KCNIP4: variants seen among roughly 807,000 people sequenced by gnomAD.
The protein encoded by KCNIP4 is Kv channel-interacting protein 4.
A neutral mutation model predicts 34.0 loss-of-function variants in KCNIP4; 12 were observed. The ratio of observed to expected loss-of-function variants is 0.35; its 90% CI spans 0.23 to 0.57. The LOEUF is 0.57. Among genes scored for constraint, KCNIP4 ranks in the 20% least tolerant of loss-of-function variants. The pLI is 0.83. For missense variants in KCNIP4, 238 were observed against 311.7 expected (o/e 0.76, Z 1.78); for synonymous variants, 124 against 102.2 (o/e 1.21, Z -1.29).
intron 1 of KCNIP4, among the ~76,000 whole-genome samples, chr4:21,223,347 A>G (rs1444108087): frequency 6.6e-6 from 1 of 152,226 alleles, no homozygotes. Context: ...TGGAGTCTCC[A>G]TAAGAAACCA....
chr4:21,422,480 G>A lies in KCNIP4; in HGVS notation c.61+526091C>T, dbSNP rs192216853. ...CTCCCAAAGTGCTCAGATTACGGGCGTGAGCCACCGAGCCTGGCCCACTTA... is the reference window on the plus strand; with the variant it reads ...CTCCCAAAGTGCTCAGATTACGGGCATGAGCCACCGAGCCTGGCCCACTTA... On this transcript the variant is annotated intron_variant, in intron 1 of 8. Transcript: ENST00000382152. 5.2e-4 allele frequency among the ~76,000 whole-genome samples: 79 copies of A among 152,104 alleles called. 1 individual carries two copies. In the East Asian group the frequency reaches 0.014, roughly 28 times the overall value.
intron 1 of KCNIP4, among the ~76,000 whole-genome samples, chr4:21,465,471 C>G (rs28726237): frequency 0.27 from 40,942 of 152,050 alleles, 6,014 homozygotes; most frequent in African/African-American, 0.38. Flanking sequence ...ACAAACTCAA[C>G]TCTCTTCATT....
At position 21,906,943 on chromosome 4, in the gene KCNIP4, T is replaced by A. The variant is rs530711949; in HGVS notation, c.61+41628A>T. On this transcript the variant is annotated intron_variant, in intron 1 of 8. Coordinates refer to ENST00000382152, the MANE Select transcript of KCNIP4 (RefSeq NM_025221.6). ...CTTTTCTAGCTCACTATAATATTTT[T>A]AAGATTTATCCACTTTGATACACGA... Among the ~76,000 whole-genome samples, 3 of 152,338 alleles carry A rather than the reference T, an allele frequency of 2.0e-5. No homozygotes were observed. The East Asian group carries it at 5.8e-4, about 29-fold the overall frequency.
chr4:21,553,150 T>G lies in KCNIP4; in HGVS notation c.61+395421A>C, dbSNP rs77741436. Among the ~76,000 whole-genome samples the G allele has an allele frequency of 1.4e-3, 48 of 34,202 alleles. 1 individual carries two copies. The East Asian group carries it at 0.021, about 15-fold the overall frequency. 22.4% of individuals were successfully genotyped at this position (34,202 alleles called of 152,430 possible). A position where few individuals can be genotyped will look rare whatever the true frequency, so the allele number is the denominator to read the frequency against. ...ACATCTGAAAGCTTAAAGGGGGGGG[T>G]CATAAAAGAGTTGGAATAACAAGTT... is the stretch of plus-strand genomic sequence containing the variant. On this transcript the variant is annotated intron_variant, in intron 1 of 8. Transcript: ENST00000382152.
chr4:21,369,486 T>C (rs1720114379), intron 1 of KCNIP4, among the ~76,000 whole-genome samples: 2 of 146,898 alleles, frequency 1.4e-5, no homozygotes, highest in Non-Finnish European at 2.9e-5. Flanking sequence ...AATCCCAGCA[T>C]TCTGGGGGGC....
At chr4:21,905,156 C>T (rs116469854) in intron 1 of KCNIP4, among the ~76,000 whole-genome samples, 2 of 152,080 alleles carry the variant, frequency 1.3e-5, no homozygotes, top group Admixed American at 1.3e-4. Flanking sequence ...TTCTTTTGGG[C>T]AAATATTCAT....
intron 5 of KCNIP4, among the ~76,000 whole-genome samples, chr4:20,746,800 C>T (rs1310119716): frequency 6.6e-6 from 1 of 152,122 alleles, no homozygotes; most frequent in African/African-American, 2.4e-5. Context: ...TATCATATTT[C>T]TTCTGCCTTT....
intron 1 of KCNIP4, among the ~76,000 whole-genome samples, chr4:21,560,018 C>T (rs1051393926): frequency 1.6e-4 from 25 of 151,956 alleles, no homozygotes; most frequent in African/African-American, 5.8e-4. Flanking sequence ...TTGATTTTCC[C>T]CTTTGTAATC....
chr4:21,110,242 C>T (rs894036303), intron 1 of KCNIP4, among the ~76,000 whole-genome samples: 1 of 152,164 alleles, frequency 6.6e-6, no homozygotes, highest in African/African-American at 2.4e-5. Context: ...AGGATGACCA[C>T]TTGAGTATGA....
chr4:21,810,515 C>G (rs1333705275), intron 1 of KCNIP4, among the ~76,000 whole-genome samples: 1 of 151,798 alleles, frequency 6.6e-6, no homozygotes, highest in Admixed American at 6.6e-5. Flanking sequence ...ATGGTGAAAC[C>G]CCATCTCTAC....
intron 1 of KCNIP4, among the ~76,000 whole-genome samples, chr4:20,895,298 T>C (rs950649672): frequency 6.6e-6 from 1 of 152,204 alleles, no homozygotes. Context: ...TTTCATTCCT[T>C]TGCTAGAAAT....
At chr4:20,983,819 G>A in intron 1 of KCNIP4, 3 of 1,536,282 alleles carry the variant, frequency 2.0e-6, no homozygotes, top group Non-Finnish European at 2.6e-6. Context: ...TTTACCTTCC[G>A]AAAAATCAAT....
chr4:21,605,526 G>A (rs188096346), intron 1 of KCNIP4, among the ~76,000 whole-genome samples: 1 of 152,190 alleles, frequency 6.6e-6, no homozygotes, highest in Admixed American at 6.5e-5. Flanking sequence ...TGTCGCCCAG[G>A]CTGGAGTGCA....
intron 1 of KCNIP4, among the ~76,000 whole-genome samples, chr4:21,146,527 G>T (rs543836566): frequency 9.2e-5 from 14 of 152,292 alleles, no homozygotes; most frequent in Admixed American, 3.3e-4. Context: ...TGAAACACAG[G>T]TCAGAGAGTC....
At chr4:21,907,413 C>T (rs528401169) in intron 1 of KCNIP4, among the ~76,000 whole-genome samples, 142 of 152,274 alleles carry the variant, frequency 9.3e-4, no homozygotes, top group African/African-American at 2.6e-3. Context: ...GACTTTCTAG[C>T]CTCCAGAACT....
In KCNIP4 at chr4:21,761,491, A is replaced by C. The variant is rs142121396; in HGVS notation, c.61+187080T>G. On this transcript the variant is annotated intron_variant, in intron 1 of 8. Transcript: ENST00000382152. Reference sequence around the variant, plus strand: ...TAACATATTCACTCAGTTGAACACTATACAGACATTACAATGACCTCTCTC... The same window carrying C: ...TAACATATTCACTCAGTTGAACACTCTACAGACATTACAATGACCTCTCTC... Among the ~76,000 whole-genome samples the C allele has an allele frequency of 7.7e-3, 1,175 of 152,270 alleles. 11 individuals carry two copies. Among genetic ancestry groups the C allele is most frequent in the Middle Eastern group, 0.014 (4 of 294 alleles).
chr4:21,366,922 A>G (rs1430193849), intron 1 of KCNIP4, among the ~76,000 whole-genome samples: 1 of 152,128 alleles, frequency 6.6e-6, no homozygotes, highest in South Asian at 2.1e-4. Context: ...TTAATCACCA[A>G]TGTGTTAGTA....
At chr4:21,294,018 C>T (rs182220702) in intron 1 of KCNIP4, among the ~76,000 whole-genome samples, 12 of 152,144 alleles carry the variant, frequency 7.9e-5, no homozygotes, top group Non-Finnish European at 1.2e-4. Context: ...AGGTGAGTGG[C>T]TGAAATTTCA....
At chr4:21,108,493 A>G (rs1748803965) in intron 1 of KCNIP4, among the ~76,000 whole-genome samples, 1 of 151,564 alleles carries the variant, frequency 6.6e-6, no homozygotes, top group South Asian at 2.1e-4. Context: ...CTAGTTATAC[A>G]TTCGTCTAAA....
Sources: gnomAD v4.1 joint callset for allele counts (sites outside exome capture counted in the v4.1 genomes callset) on GRCh38, gnomAD v4.1.1 for gene constraint, MANE v1.5 for transcripts, NCBI Gene and HGNC (gene_info 2026-07-23, HGNC 2026-07-21) for gene names.